Variants in FLRT1 observed in about 807,000 individuals in gnomAD.
FLRT1 encodes the protein fibronectin leucine rich transmembrane protein 1, also known as leucine-rich repeat transmembrane protein FLRT1.
FLRT1 carries 14 observed loss-of-function variants against 30.9 expected under a neutral mutation model. The observed-to-expected ratio is 0.45, with a 90% CI of 0.30 to 0.71. The LOEUF is 0.71. FLRT1 is among the 30% of genes least tolerant of loss of function. The probability of loss-of-function intolerance (pLI) is 0.08; values close to 1 mark genes in which losing one functional copy is unlikely to be tolerated. For missense variants in FLRT1, 737 were observed against 949.2 expected, an observed-to-expected ratio of 0.78 and a Z score of 2.94; for synonymous variants, 368 against 430.4, an observed-to-expected ratio of 0.85 and a Z score of 1.80.
chr11:64,070,185 G>C (rs752232989), intron 1 of FLRT1, among the ~76,000 whole-genome samples: 2 of 152,196 alleles, frequency 1.3e-5, no homozygotes, highest in Non-Finnish European at 2.9e-5. Flanking sequence ...CACACAGCTG[G>C]TTGGGCGACA....
At chr11:64,106,952 C>T (rs192983225) in intron 2 of FLRT1, among the ~76,000 whole-genome samples, 1,777 of 152,264 alleles carry the variant, frequency 0.012, 30 homozygotes, top group African/African-American at 0.041. Flanking sequence ...CACGATCTCT[C>T]GGCTCACTGC....
At chr11:64,115,493 G>C (rs1944961150) in intron 2 of FLRT1, among the ~76,000 whole-genome samples, 1 of 152,076 alleles carries the variant, frequency 6.6e-6, no homozygotes. Context: ...CTGATGAAAA[G>C]AGATTTCTGT....
chr11:64,052,579 C>T (rs1943714413), intron 1 of FLRT1, among the ~76,000 whole-genome samples: 1 of 152,232 alleles, frequency 6.6e-6, no homozygotes, highest in African/African-American at 2.4e-5. Context: ...ACCCGCTGCT[C>T]TTGGCAGACA....
intron 1 of FLRT1, among the ~76,000 whole-genome samples, chr11:64,038,703 G>C (rs1347981452): frequency 6.6e-6 from 1 of 152,198 alleles, no homozygotes; most frequent in East Asian, 1.9e-4. Context: ...GTATGGGACT[G>C]TGTGGGTCTG....
chr11:64,041,950 G>T (rs1450696730), intron 1 of FLRT1, among the ~76,000 whole-genome samples: 1 of 152,218 alleles, frequency 6.6e-6, no homozygotes, highest in Non-Finnish European at 1.5e-5. Flanking sequence ...CCTAGCCTGG[G>T]CTGGGCTGCC....
intron 1 of FLRT1, among the ~76,000 whole-genome samples, chr11:64,041,133 C>T (rs1271737396): frequency 5.5e-5 from 8 of 146,606 alleles, no homozygotes; most frequent in African/African-American, 1.3e-4. Flanking sequence ...ATTTTTTTCA[C>T]GCCCCTTTCC....
intron 1 of FLRT1, among the ~76,000 whole-genome samples, chr11:64,089,820 C>T (rs1407810220): frequency 6.6e-6 from 1 of 152,140 alleles, no homozygotes; most frequent in Non-Finnish European, 1.5e-5. Context: ...TGTGCCCACT[C>T]ATAGGTGTCC....
intron 1 of FLRT1, among the ~76,000 whole-genome samples, chr11:64,062,272 A>T (rs959701051): frequency 6.6e-6 from 1 of 152,092 alleles, no homozygotes; most frequent in African/African-American, 2.4e-5. Context: ...GGCACACAGT[A>T]GGTGCTCAGT....
chr11:64,106,881 T>A (rs1463314383), intron 2 of FLRT1, among the ~76,000 whole-genome samples: 1 of 152,048 alleles, frequency 6.6e-6, no homozygotes, highest in Non-Finnish European at 1.5e-5. Context: ...CTTTTATTTA[T>A]TTTATTTTAT....
At chr11:64,115,667 G>A (rs544218804) in intron 2 of FLRT1, among the ~76,000 whole-genome samples, 5 of 152,244 alleles carry the variant, frequency 3.3e-5, no homozygotes, top group East Asian at 1.9e-4. Context: ...TTCTGGCGAC[G>A]CCCCCCTTTT....
chr11:64,037,260 G>A (rs779021050), intron 1 of FLRT1, among the ~76,000 whole-genome samples: 6 of 152,178 alleles, frequency 3.9e-5, no homozygotes, highest in Non-Finnish European at 8.8e-5. Context: ...TTAGGAAGGA[G>A]GCTGTCTGTG....
chr11:64,061,294 G>A (rs552306930), intron 1 of FLRT1, among the ~76,000 whole-genome samples: 1 of 152,300 alleles, frequency 6.6e-6, no homozygotes, highest in Admixed American at 6.5e-5. Context: ...TCCGCGCGCC[G>A]ACTTTGCAGC....
rs1590879752 is a variant in FLRT1, at chr11:64,081,093, C to G, written c.-1037-22101C>G. On this transcript the variant is annotated intron_variant, in intron 1 of 2. Coordinates refer to ENST00000682287, the MANE Select transcript of FLRT1 (RefSeq NM_013280.5). ...CTGGAGTGCAGTGGCATGATCTCAG[C>G]TCACTGCAACCTCCACCTCCCAGGT... Among the ~76,000 whole-genome samples the G allele has an allele frequency of 2.0e-5, 3 of 152,326 alleles. No homozygotes were observed. In the South Asian group the frequency reaches 6.2e-4, roughly 32 times the overall value.
chr11:64,065,625 TA>T (rs71479473), intron 1 of FLRT1, among the ~76,000 whole-genome samples: 22,277 of 82,358 alleles, frequency 0.27, 1,966 homozygotes, highest in Non-Finnish European at 0.44. Flanking sequence ...CAGTCTCTAC[TA>T]AAAAATACAA....
chr11:64,107,665 T>C (rs976417982), intron 2 of FLRT1, among the ~76,000 whole-genome samples: 1 of 152,254 alleles, frequency 6.6e-6, no homozygotes, highest in African/African-American at 2.4e-5. Flanking sequence ...AAGTTCTAAA[T>C]GATACCAGTG....
intron 1 of FLRT1, among the ~76,000 whole-genome samples, chr11:64,058,841 A>AG (rs540443844): frequency 3.3e-5 from 5 of 152,122 alleles, no homozygotes; most frequent in Non-Finnish European, 7.4e-5. Flanking sequence ...GCAGCCGGCA[A>AG]GGGGGGGTAG....
intron 1 of FLRT1, among the ~76,000 whole-genome samples, chr11:64,062,857 C>A (rs996172100): frequency 6.6e-6 from 1 of 152,220 alleles, no homozygotes; most frequent in African/African-American, 2.4e-5. Context: ...GCACCTCCAC[C>A]CCGGCCCCGC....
At chr11:64,047,125 T>C (rs562244939) in intron 1 of FLRT1, among the ~76,000 whole-genome samples, 27 of 151,966 alleles carry the variant, frequency 1.8e-4, no homozygotes, top group African/African-American at 6.0e-4. Flanking sequence ...CTCCCCGACA[T>C]TGGCTGCCTC....
At chr11:64,053,358 G>GC (rs1337892915) in intron 1 of FLRT1, among the ~76,000 whole-genome samples, 1 of 152,226 alleles carries the variant, frequency 6.6e-6, no homozygotes, top group African/African-American at 2.4e-5. Flanking sequence ...AGCAGGCTGG[G>GC]CTCTGTTAAC....
Sources: gnomAD v4.1 joint callset for allele counts (sites outside exome capture counted in the v4.1 genomes callset) on GRCh38, gnomAD v4.1.1 for gene constraint, MANE v1.5 for transcripts, NCBI Gene and HGNC (gene_info 2026-07-23, HGNC 2026-07-21) for gene names.